PHLDB2: variants seen among roughly 807,000 people sequenced by gnomAD.
PHLDB2 encodes pleckstrin homology-like domain family B member 2.
Under a neutral mutation model 123.6 loss-of-function variants are expected in PHLDB2, and 71 were observed. The ratio of observed to expected loss-of-function variants is 0.57; its 90% CI spans 0.47 to 0.70. The LOEUF (loss-of-function observed/expected upper bound fraction) is 0.70, where lower values mean the gene tolerates loss of function less well. Ranked by LOEUF, PHLDB2 falls within the 30% of genes least tolerant of loss-of-function variation. PHLDB2 has a pLI of 0.00. For missense variants in PHLDB2, 1,446 were observed against 1,519.5 expected (o/e 0.95, Z 0.80); for synonymous variants, 547 against 541.6 (o/e 1.01, Z -0.14).
At chr3:111,782,570 G>T (rs2060522690) in intron 1 of PHLDB2, among the ~76,000 whole-genome samples, 1 of 151,988 alleles carries the variant, frequency 6.6e-6, no homozygotes, top group Admixed American at 6.6e-5. Context: ...CTCTGTTTTG[G>T]TTTCAGTTTA....
intron 1 of PHLDB2, among the ~76,000 whole-genome samples, chr3:111,860,255 C>T (rs2064757016): frequency 6.6e-6 from 1 of 152,154 alleles, no homozygotes; most frequent in African/African-American, 2.4e-5. Flanking sequence ...ACTCCCTCCC[C>T]GCAAATATTT....
chr3:111,741,282 C>T (rs57628489), intron 1 of PHLDB2, among the ~76,000 whole-genome samples: 4,248 of 152,270 alleles, frequency 0.028, 83 homozygotes, highest in African/African-American at 0.046. Flanking sequence ...CATCTGTGCC[C>T]GAGCACCTGT....
intron 5 of PHLDB2, among the ~76,000 whole-genome samples, chr3:111,923,245 G>T (rs1321825320): frequency 6.6e-6 from 1 of 152,150 alleles, no homozygotes; most frequent in Non-Finnish European, 1.5e-5. Flanking sequence ...CCAGCCTGCT[G>T]GGTGCTTTTC....
chr3:111,958,375 T>A (rs79522387), intron 12 of PHLDB2: 1 of 863,812 alleles, frequency 1.2e-6, no homozygotes, highest in African/African-American at 1.8e-5. Context: ...TAAGTCATCT[T>A]ACTTTCTATA....
intron 1 of PHLDB2, among the ~76,000 whole-genome samples, chr3:111,843,997 C>T (rs1425475527): frequency 6.6e-6 from 1 of 152,118 alleles, no homozygotes; most frequent in Non-Finnish European, 1.5e-5. Flanking sequence ...CTAATTGTAA[C>T]CTTCCCATCA....
chr3:111,913,323 G>A lies in PHLDB2; in HGVS notation c.1340G>A (p.Arg447Lys), dbSNP rs371913067. 1.3e-6 allele frequency: 2 copies of A among 1,587,988 alleles called. No homozygotes were observed. The highest frequency in any genetic ancestry group is 1.2e-5 in the South Asian group (1 of 85,768). The stretch of plus-strand genomic sequence containing the variant: ...CCCCTCCTCCCTGTGTTCCAGGAGA[G>A]ACAGCGTCTGGAGACCATCCTCAGT... Reference protein sequence around the residue: ...LREQEMERLERQRLETILSLC... With the variant: ...LREQEMERLEKQRLETILSLC... Residue 447 changes from arginine (R) to lysine (K), a missense_variant, in exon 3 of 18, where the codon AGA becomes AAA. Physicochemically the swap from Arg to Lys is conservative, Grantham distance 26. This residue lies in a region of PHLDB2 where 832 missense variants were observed against 831.9 expected (regional missense o/e 1.00). Coordinates refer to ENST00000431670, the MANE Select transcript of PHLDB2 (RefSeq NM_001134438.2).
At chr3:111,821,646 A>G (rs1245252284) in intron 1 of PHLDB2, among the ~76,000 whole-genome samples, 1 of 152,172 alleles carries the variant, frequency 6.6e-6, no homozygotes, top group Non-Finnish European at 1.5e-5. Context: ...ATTAATCTTA[A>G]AAAAATACCT....
intron 1 of PHLDB2, among the ~76,000 whole-genome samples, chr3:111,813,424 T>A (rs1205919289): frequency 6.6e-6 from 1 of 152,184 alleles, no homozygotes; most frequent in Non-Finnish European, 1.5e-5. Flanking sequence ...ATCCTTAACA[T>A]GTAAAATAAT....
intron 1 of PHLDB2, among the ~76,000 whole-genome samples, chr3:111,757,763 C>G (rs2059921005): frequency 4.6e-5 from 7 of 152,094 alleles, no homozygotes; most frequent in Admixed American, 4.6e-4. Context: ...TGTGGATGTC[C>G]TTTCTGTTTG....
At chr3:111,883,999 C>G in intron 1 of PHLDB2, 65 bp from the exon 2 acceptor site, 3 of 1,447,930 alleles carry the variant, frequency 2.1e-6, no homozygotes, top group Non-Finnish European at 2.8e-6. Context: ...AGATGTAGGC[C>G]TAACAAGGGA....
At chr3:111,828,472 G>C (rs8179903) in intron 1 of PHLDB2, among the ~76,000 whole-genome samples, 149,595 of 152,306 alleles carry the variant, frequency 0.98, 73,528 homozygotes, top group East Asian at 1. Context: ...AACATTTTAT[G>C]AATATTTTTA....
intron 2 of PHLDB2, among the ~76,000 whole-genome samples, chr3:111,897,024 T>C (rs2066910514): frequency 6.6e-6 from 1 of 152,214 alleles, no homozygotes; most frequent in South Asian, 2.1e-4. Context: ...ATATTGACAT[T>C]GATACAGTGA....
chr3:111,811,001 T>C (rs1440224086), intron 1 of PHLDB2, among the ~76,000 whole-genome samples: 1 of 152,170 alleles, frequency 6.6e-6, no homozygotes, highest in Non-Finnish European at 1.5e-5. Context: ...ATGGCCCAGA[T>C]ACATGCTCCA....
chr3:111,879,959 A>C (rs1028049854), intron 1 of PHLDB2, among the ~76,000 whole-genome samples: 1 of 139,914 alleles, frequency 7.1e-6, no homozygotes, highest in East Asian at 2.0e-4. Context: ...CTCAAGACCC[A>C]TATCTTGAAA....
chr3:111,854,438 AATC>A (rs1342866778), upstream of PHLDB2, among the ~76,000 whole-genome samples: 3 of 152,226 alleles, frequency 2.0e-5, no homozygotes, highest in African/African-American at 7.2e-5. Context: ...TGATTCATTA[AATC>A]ATCATAATAT....
intron 10 of PHLDB2, among the ~76,000 whole-genome samples, chr3:111,951,392 CTTAA>C (rs1295231001): frequency 1.3e-5 from 2 of 152,098 alleles, no homozygotes; most frequent in East Asian, 3.9e-4. Context: ...GCACATAGCT[CTTAA>C]TTAATTGATT....
At chr3:111,938,693 C>G (rs979226307) in intron 6 of PHLDB2, among the ~76,000 whole-genome samples, 1 of 152,152 alleles carries the variant, frequency 6.6e-6, no homozygotes, top group African/African-American at 2.4e-5. Context: ...TTAGACACCT[C>G]TGGTCTGTAC....
chr3:111,873,541 T>C (rs2065450521), intron 1 of PHLDB2, among the ~76,000 whole-genome samples: 1 of 152,224 alleles, frequency 6.6e-6, no homozygotes, highest in African/African-American at 2.4e-5. Flanking sequence ...CATTTTGACA[T>C]GAGGTATTAA....
chr3:111,896,610 C>A (rs753128224), intron 2 of PHLDB2, among the ~76,000 whole-genome samples: 1 of 152,076 alleles, frequency 6.6e-6, no homozygotes, highest in African/African-American at 2.4e-5. Context: ...CTTGGCCACC[C>A]AAAGTGCTAG....
Sources: gnomAD v4.1 joint callset for allele counts (sites outside exome capture counted in the v4.1 genomes callset) on GRCh38, gnomAD v4.1.1 for gene constraint, gnomAD v4.1.1 regional missense constraint, MANE v1.5 for transcripts, NCBI Gene and HGNC (gene_info 2026-07-23, HGNC 2026-07-21) for gene names.